The following SLC4A5 variants were observed in gnomAD, a reference collection of about 807,000 sequenced individuals.
SLC4A5 encodes electrogenic sodium bicarbonate cotransporter 4.
SLC4A5 carries 96 observed loss-of-function variants against 120.4 expected under a neutral mutation model. That is an observed-to-expected ratio of 0.80 (90% CI 0.68 to 0.94). The LOEUF (loss-of-function observed/expected upper bound fraction) is 0.94. SLC4A5 is among the 40% of genes least tolerant of loss of function. SLC4A5 has a pLI of 0.00. For synonymous variants in SLC4A5, 550 were observed against 571.1 expected (o/e 0.96, Z 0.53); for missense variants, 1,259 against 1,459.5 (o/e 0.86, Z 2.24).
intron 29 of SLC4A5, among the ~76,000 whole-genome samples, chr2:74,222,069 TCA>T (rs1694669373): frequency 6.6e-6 from 1 of 152,148 alleles, no homozygotes; most frequent in Non-Finnish European, 1.5e-5. Flanking sequence ...TGCTGAGGAT[TCA>T]CACAGAGGCA....
intron 11 of SLC4A5, among the ~76,000 whole-genome samples, chr2:74,260,113 G>T (rs1240624077): frequency 6.6e-6 from 1 of 152,198 alleles, no homozygotes; most frequent in African/African-American, 2.4e-5. Context: ...CTGGCAGAGG[G>T]AAGGAAGGTG....
chr2:74,254,042 C>T (rs544863312), intron 14 of SLC4A5, among the ~76,000 whole-genome samples: 2 of 152,272 alleles, frequency 1.3e-5, no homozygotes, highest in East Asian at 3.9e-4. Context: ...GAAAAGTTAT[C>T]TCAGGGTAAA....
rs774999444 is a variant in SLC4A5, at chr2:74,222,933, G to T, written c.3266C>A (p.Ser1089Ter). Residue 1089 changes from serine to a stop codon, truncating the protein, a stop_gained, in exon 29 of 31, where the codon TCG becomes TAG. Coordinates refer to ENST00000394019, the Ensembl canonical transcript of SLC4A5. LOFTEE classifies it high-confidence loss of function. ...ACTTTCCATGGGAATCTTTATAACC[G>T]AGGGAGGAGGGAACTGGGGCTGGAG... 11 of 1,612,014 alleles carry T rather than the reference G, an allele frequency of 6.8e-6. No homozygotes were observed. Among genetic ancestry groups the T allele is most frequent in the Middle Eastern group, 1.6e-4 (1 of 6,076 alleles).
chr2:74,308,019 G>A (rs1672699602), intron 6 of SLC4A5: 1 of 536,530 alleles, frequency 1.9e-6, no homozygotes, highest in Non-Finnish European at 3.8e-6. Flanking sequence ...GCTGTCCGGG[G>A]AGGAGAGTGA....
At chr2:74,336,677 C>T (rs895208136) in intron 3 of SLC4A5, among the ~76,000 whole-genome samples, 2 of 152,182 alleles carry the variant, frequency 1.3e-5, no homozygotes, top group Admixed American at 6.5e-5. Context: ...ACTGGCTGCC[C>T]TGGCCTGGGG....
chr2:74,287,164 C>T (rs1672011215), intron 7 of SLC4A5, among the ~76,000 whole-genome samples: 1 of 152,206 alleles, frequency 6.6e-6, no homozygotes, highest in South Asian at 2.1e-4. Flanking sequence ...TCTGTCCTCA[C>T]TTATTTCTTC....
intron 10 of SLC4A5, among the ~76,000 whole-genome samples, chr2:74,262,999 T>C (rs1393705817): frequency 6.6e-6 from 1 of 152,222 alleles, no homozygotes; most frequent in Non-Finnish European, 1.5e-5. Flanking sequence ...GTGCTGAGTA[T>C]GTATCTGTTG....
intron 12 of SLC4A5, 23 bp downstream of exon 12, chr2:74,259,565 G>T (rs760088574): frequency 1.2e-6 from 2 of 1,613,508 alleles, no homozygotes; most frequent in South Asian, 1.1e-5. Flanking sequence ...CTCCATTGCA[G>T]CTAAGTGCAG....
At position 74,255,074 on chromosome 2, in the gene SLC4A5, G is replaced by A. The variant is rs1451481637; in HGVS notation, c.1026-368C>T. 1.3e-5 allele frequency among the ~76,000 whole-genome samples: 2 copies of A among 151,988 alleles called. No individual in the cohort carries two copies. The highest frequency in any genetic ancestry group is 2.9e-5 in the Non-Finnish European group (2 of 67,988). On this transcript the variant is annotated intron_variant, in intron 13 of 30. Coordinates refer to ENST00000394019, the Ensembl canonical transcript of SLC4A5. The surrounding 1 kb of genome is among the most constrained non-coding windows in gnomAD (Gnocchi z 4.0). ...GGGCTCGAGCAATTCACCCGCCTTG[G>A]CCTCCCAGAGTGCTGGGATTAGAGG... is the stretch of plus-strand genomic sequence containing the variant.
Position 74,254,616 on chromosome 2 carries a change from T to C in SLC4A5, c.1113+3A>G. ...GGAGTACAAGCTTCTGGTTACCACT[T>C]ACATCATCTACCATGAGGGTTGCAA... On this transcript the variant is annotated splice_donor_region_variant and intron_variant, in intron 14 of 30. Coordinates refer to ENST00000394019, the Ensembl canonical transcript of SLC4A5. The C allele has an allele frequency of 6.2e-7, 1 of 1,613,562 alleles. No homozygotes were observed. The highest frequency in any genetic ancestry group is 8.5e-7 in the Non-Finnish European group (1 of 1,179,514).
intron 8 of SLC4A5, among the ~76,000 whole-genome samples, chr2:74,274,909 T>A (rs975591874): frequency 1.3e-5 from 2 of 152,186 alleles, no homozygotes; most frequent in African/African-American, 4.8e-5. Context: ...GTGATTCCAG[T>A]GTTTAATAGA....
intron 4 of SLC4A5, among the ~76,000 whole-genome samples, chr2:74,331,121 G>A (rs375144770): frequency 1.4e-5 from 2 of 148,140 alleles, no homozygotes; most frequent in African/African-American, 2.5e-5. Flanking sequence ...GTGGTGAGGT[G>A]TAGATGGAGG....
intron 7 of SLC4A5, among the ~76,000 whole-genome samples, chr2:74,300,330 T>C (rs1672441905): frequency 6.6e-6 from 1 of 152,178 alleles, no homozygotes; most frequent in South Asian, 2.1e-4. Flanking sequence ...AGATCTTAAG[T>C]GTTCTTACCA....
intron 13 of SLC4A5, 131 bp from the exon 14 acceptor site, chr2:74,254,837 A>G: frequency 1.5e-6 from 1 of 656,864 alleles, no homozygotes; most frequent in Non-Finnish European, 2.6e-6. Flanking sequence ...TTTTTTTGAG[A>G]CAGGGTCTTG....
chr2:74,219,144 C>T (rs1483884032), intron 30 of SLC4A5, among the ~76,000 whole-genome samples: 3 of 151,114 alleles, frequency 2.0e-5, no homozygotes, highest in Non-Finnish European at 2.9e-5. Context: ...CTTAGTTTGC[C>T]CCATCCATTG....
intron 3 of SLC4A5, among the ~76,000 whole-genome samples, chr2:74,335,270 C>G (rs988693465): frequency 6.6e-6 from 1 of 152,206 alleles, no homozygotes; most frequent in South Asian, 2.1e-4. Context: ...CTAGAGCCCA[C>G]GGAGGCATCT....
chr2:74,274,709 C>T (rs1210036005), intron 8 of SLC4A5, among the ~76,000 whole-genome samples: 1 of 152,196 alleles, frequency 6.6e-6, no homozygotes, highest in African/African-American at 2.4e-5. Flanking sequence ...ACCAAGATCA[C>T]AAAGGCTGAT....
intron 19 of SLC4A5, among the ~76,000 whole-genome samples, chr2:74,246,210 G>T (rs146376664): frequency 6.6e-6 from 1 of 152,218 alleles, no homozygotes; most frequent in African/African-American, 2.4e-5. Context: ...GGCACTGGGT[G>T]TTACCAGGTT....
chr2:74,245,420 A>G (rs961149383), intron 19 of SLC4A5, among the ~76,000 whole-genome samples: 2 of 152,226 alleles, frequency 1.3e-5, no homozygotes, highest in African/African-American at 4.8e-5. Context: ...ATTTACGTCA[A>G]TGCAACACTG....
Sources: gnomAD v4.1 joint callset for allele counts (sites outside exome capture counted in the v4.1 genomes callset) on GRCh38, gnomAD v4.1.1 for gene constraint, Gnocchi (gnomAD v3.1) non-coding constraint, MANE v1.5 for transcripts, NCBI Gene and HGNC (gene_info 2026-07-23, HGNC 2026-07-21) for gene names.